CSMD1: variants seen among roughly 807,000 people sequenced by gnomAD.
CSMD1 encodes CUB and sushi domain-containing protein 1.
A neutral mutation model predicts 417.5 loss-of-function variants in CSMD1; 213 were observed. The observed-to-expected ratio is 0.51, with a 90% confidence interval of 0.46 to 0.57. The LOEUF is 0.57. Among genes scored for constraint, CSMD1 ranks in the 20% least tolerant of loss-of-function variants. CSMD1 has a pLI of 0.00. For missense variants in CSMD1, 6,923 were observed against 4,529.7 expected (o/e 1.53, Z -15.17); for synonymous variants, 2,862 against 1,736.8 (o/e 1.65, Z -16.11).
chr8:3,520,671 T>C (rs1317190199), intron 10 of CSMD1, among the ~76,000 whole-genome samples: 1 of 152,050 alleles, frequency 6.6e-6, no homozygotes, highest in Non-Finnish European at 1.5e-5. Flanking sequence ...GTTTGTTTAT[T>C]TGTTTCTTTA....
chr8:3,523,757 A>G (rs536630663), intron 10 of CSMD1, among the ~76,000 whole-genome samples: 1 of 151,572 alleles, frequency 6.6e-6, no homozygotes, highest in African/African-American at 2.4e-5. Flanking sequence ...ACACATGCAC[A>G]CACACATGCA....
chr8:4,141,145 T>C, intron 3 of CSMD1, among the ~76,000 whole-genome samples: 1 of 151,200 alleles, frequency 6.6e-6, no homozygotes, highest in Admixed American at 6.6e-5. Context: ...AGAGCTCCAA[T>C]AAGTAACAGA....
chr8:3,758,578 T>A (rs1797805795), intron 5 of CSMD1, among the ~76,000 whole-genome samples: 1 of 152,186 alleles, frequency 6.6e-6, no homozygotes, highest in African/African-American at 2.4e-5. Context: ...GTTTCTTCAT[T>A]ACAAACTACG....
In CSMD1 at chr8:3,096,909, T is replaced by C. The variant is rs1372962488; in HGVS notation, c.7078A>G (p.Thr2360Ala). ...CTTTGAAATGTGTCCACAAAGATGG[T>C]AATGTTGTAGTTTGGTTCCACTTTA... ...SIKVEPNYNITIFVDTFQSEK... is the reference protein window; with the variant it reads ...SIKVEPNYNIAIFVDTFQSEK... Residue 2360 changes from threonine (T) to alanine (A), a missense_variant, in exon 47 of 70, where the codon ACC (threonine) becomes GCC (alanine). By Grantham distance (58) the Thr-to-Ala change is moderately conservative. Transcript: ENST00000635120. 2 of 1,557,286 alleles carry C rather than the reference T, an allele frequency of 1.3e-6. No individual in the cohort carries two copies. The highest frequency in any genetic ancestry group is 1.7e-6 in the Non-Finnish European group (2 of 1,149,240).
chr8:4,230,784 A>G (rs575624781), intron 3 of CSMD1, among the ~76,000 whole-genome samples: 211 of 152,270 alleles, frequency 1.4e-3, no homozygotes, highest in Non-Finnish European at 1.9e-3. Flanking sequence ...ACTTTCAAGT[A>G]ATTTTTACCT....
chr8:3,343,610 A>G (rs557958135), intron 22 of CSMD1, among the ~76,000 whole-genome samples, 160 bp from the exon 23 acceptor site: 18 of 152,300 alleles, frequency 1.2e-4, no homozygotes, highest in Admixed American at 1.0e-3. Flanking sequence ...GAGCTAAATC[A>G]TATTTGTTCT....
At chr8:4,242,885 G>C (rs1039243474) in intron 3 of CSMD1, among the ~76,000 whole-genome samples, 8 of 152,140 alleles carry the variant, frequency 5.3e-5, no homozygotes, top group African/African-American at 1.4e-4. Flanking sequence ...AAATATTAAA[G>C]TCATTAAAAT....
chr8:4,232,285 G>A (rs895569558), intron 3 of CSMD1, among the ~76,000 whole-genome samples: 8 of 152,038 alleles, frequency 5.3e-5, no homozygotes, highest in African/African-American at 1.7e-4. Flanking sequence ...TGCAACCTCC[G>A]CCTCCCAGGT....
At chr8:3,671,212 T>C (rs1408207342) in intron 7 of CSMD1, among the ~76,000 whole-genome samples, 1 of 147,112 alleles carries the variant, frequency 6.8e-6, no homozygotes, top group Non-Finnish European at 1.5e-5. Flanking sequence ...GATCTATGTA[T>C]AGGGGATGTA....
Position 4,185,957 on chromosome 8 carries a change from G to A in CSMD1, c.416-153858C>T, listed in dbSNP as rs777548126. Among the ~76,000 whole-genome samples, 7 of 152,206 alleles carry A rather than the reference G, an allele frequency of 4.6e-5. No individual in the cohort carries two copies. The East Asian group carries it at 7.7e-4, about 17-fold the overall frequency. On this transcript the variant is annotated intron_variant, in intron 3 of 69. Transcript: ENST00000635120. ...CAATACTTTCAGCTTAAGGTCTACG[G>A]TGGAATACAGAAATCATTCTTAACA...
At chr8:4,824,621 ATG>A (rs1799712633) in intron 1 of CSMD1, among the ~76,000 whole-genome samples, 1 of 152,170 alleles carries the variant, frequency 6.6e-6, no homozygotes, top group Non-Finnish European at 1.5e-5. Flanking sequence ...AGGTCTGTGT[ATG>A]TGTGTGCGAA....
At chr8:4,023,697 C>T (rs562120385) in intron 4 of CSMD1, among the ~76,000 whole-genome samples, 179 of 150,574 alleles carry the variant, frequency 1.2e-3, no homozygotes, top group African/African-American at 4.3e-3. Flanking sequence ...CGCCATTCTC[C>T]TGCCTCAGCC....
intron 3 of CSMD1, among the ~76,000 whole-genome samples, chr8:4,131,022 C>T (rs902698508): frequency 6.6e-6 from 1 of 152,080 alleles, no homozygotes; most frequent in African/African-American, 2.4e-5. Context: ...ATTAATGACT[C>T]CACTGGCTCA....
At chr8:4,817,096 T>G (rs1055742773) in intron 1 of CSMD1, among the ~76,000 whole-genome samples, 4 of 152,102 alleles carry the variant, frequency 2.6e-5, no homozygotes, top group Admixed American at 2.0e-4. Flanking sequence ...TTATTATGTG[T>G]ATATACATGC....
chr8:3,737,864 C>T (rs1455467364), intron 6 of CSMD1, among the ~76,000 whole-genome samples: 5 of 152,200 alleles, frequency 3.3e-5, no homozygotes, highest in African/African-American at 9.6e-5. Context: ...TTAAGTCAGC[C>T]TTATTTAGTC....
intron 5 of CSMD1, among the ~76,000 whole-genome samples, chr8:3,796,505 ATATATATC>A (rs1289131569): frequency 8.3e-5 from 12 of 143,942 alleles, no homozygotes; most frequent in African/African-American, 1.8e-4. Context: ...AGATATAGAT[ATATATATC>A]TATATATCTA....
At chr8:4,482,392 A>G (rs1260736690) in intron 2 of CSMD1, among the ~76,000 whole-genome samples, 1 of 152,170 alleles carries the variant, frequency 6.6e-6, no homozygotes, top group Admixed American at 6.5e-5. Flanking sequence ...AATGGCCTCC[A>G]GCTCCATCCA....
At chr8:3,853,080 C>A (rs547398004) in intron 5 of CSMD1, among the ~76,000 whole-genome samples, 2 of 152,278 alleles carry the variant, frequency 1.3e-5, no homozygotes, top group African/African-American at 4.8e-5. Context: ...CCATCCAATG[C>A]CTGCCACCCT....
intron 10 of CSMD1, among the ~76,000 whole-genome samples, chr8:3,523,643 A>C (rs1024428938): frequency 1.4e-4 from 21 of 151,250 alleles, no homozygotes; most frequent in Non-Finnish European, 3.1e-4. Context: ...AGACACGTGC[A>C]CACACAGGCA....
Sources: gnomAD v4.1 joint callset for allele counts (sites outside exome capture counted in the v4.1 genomes callset) on GRCh38, gnomAD v4.1.1 for gene constraint, MANE v1.5 for transcripts, NCBI Gene and HGNC (gene_info 2026-07-23, HGNC 2026-07-21) for gene names.